Variants in TEAD1 observed in about 807,000 individuals in gnomAD.
TEAD1 encodes the protein TEA domain transcription factor 1, also known as transcriptional enhancer factor TEF-1.
TEAD1 carries 9 observed loss-of-function variants against 54.9 expected under a neutral mutation model. The observed-to-expected ratio is 0.16, with a 90% CI of 0.10 to 0.29. The LOEUF (loss-of-function observed/expected upper bound fraction) is 0.29. Ranked by LOEUF, TEAD1 falls within the 10% of genes least tolerant of loss-of-function variation. The probability of loss-of-function intolerance (pLI) is 1.00; values close to 1 mark genes in which losing one functional copy is unlikely to be tolerated. For synonymous variants in TEAD1, 200 were observed against 187.8 expected, an observed-to-expected ratio of 1.07 and a Z score of -0.53; for missense variants, 387 against 535.9, an observed-to-expected ratio of 0.72 and a Z score of 2.74.
intron 10 of TEAD1, among the ~76,000 whole-genome samples, chr11:12,919,823 A>G (rs1370111278): frequency 3.3e-5 from 5 of 152,186 alleles, no homozygotes; most frequent in African/African-American, 7.2e-5. Context: ...TATACAACAT[A>G]TGTTGAATTT....
intron 3 of TEAD1, among the ~76,000 whole-genome samples, chr11:12,814,983 T>G (rs1168534238): frequency 2.0e-5 from 3 of 152,158 alleles, no homozygotes; most frequent in Non-Finnish European, 4.4e-5. Flanking sequence ...AGGCATCCAG[T>G]GCAGAACGGG....
intron 2 of TEAD1, among the ~76,000 whole-genome samples, chr11:12,728,375 T>C (rs1944354235): frequency 6.6e-6 from 1 of 152,196 alleles, no homozygotes; most frequent in African/African-American, 2.4e-5. Flanking sequence ...GTTACACTTT[T>C]CATTGCTGGT....
chr11:12,739,250 T>A (rs1472659832), intron 2 of TEAD1, among the ~76,000 whole-genome samples: 1 of 151,610 alleles, frequency 6.6e-6, no homozygotes, highest in Non-Finnish European at 1.5e-5. Flanking sequence ...CTATCAGTCA[T>A]CTATCTCTGT....
chr11:12,740,767 G>A (rs1315241745), intron 2 of TEAD1, among the ~76,000 whole-genome samples: 1 of 151,982 alleles, frequency 6.6e-6, no homozygotes, highest in Non-Finnish European at 1.5e-5. Context: ...TCACTCCCAC[G>A]ACACATGGGG....
chr11:12,745,092 C>T (rs1322866246), intron 2 of TEAD1, among the ~76,000 whole-genome samples: 1 of 152,182 alleles, frequency 6.6e-6, no homozygotes, highest in Non-Finnish European at 1.5e-5. Flanking sequence ...CCCTGGGAGA[C>T]ACTGCTGGGG....
At chr11:12,879,676 T>C (rs1947926955) in intron 5 of TEAD1, 32 bp from the exon 6 acceptor site, 32 of 1,614,066 alleles carry the variant, frequency 2.0e-5, no homozygotes, top group Non-Finnish European at 2.6e-5. Flanking sequence ...ATGCGTTATG[T>C]ATTAAGTTGG....
intron 3 of TEAD1, among the ~76,000 whole-genome samples, chr11:12,797,119 A>G (rs1285735241): frequency 6.6e-6 from 1 of 152,128 alleles, no homozygotes; most frequent in Non-Finnish European, 1.5e-5. Flanking sequence ...TCAAAACACA[A>G]AAAACCTACA....
chr11:12,706,967 G>A (rs1430475859), intron 2 of TEAD1, among the ~76,000 whole-genome samples: 4 of 152,140 alleles, frequency 2.6e-5, no homozygotes, highest in Non-Finnish European at 5.9e-5. Flanking sequence ...ACCTTGACTA[G>A]CACTCTTTTC....
chr11:12,923,079 A>G (rs1212168553), intron 10 of TEAD1, among the ~76,000 whole-genome samples: 4 of 151,966 alleles, frequency 2.6e-5, no homozygotes, highest in Non-Finnish European at 2.9e-5. Context: ...CCTAGTATAT[A>G]TATATATACA....
At chr11:12,830,896 C>T (rs1338119896) in intron 3 of TEAD1, among the ~76,000 whole-genome samples, 1 of 151,900 alleles carries the variant, frequency 6.6e-6, no homozygotes, top group Non-Finnish European at 1.5e-5. Context: ...TGCCCCCATC[C>T]GCTGATTCTC....
At chr11:12,839,730 G>A (rs1306893746) in intron 3 of TEAD1, among the ~76,000 whole-genome samples, 1 of 152,150 alleles carries the variant, frequency 6.6e-6, no homozygotes, top group African/African-American at 2.4e-5. Context: ...CGTAATGGAA[G>A]GGTTTGTTTC....
chr11:12,762,352 C>G (rs1945119082), intron 2 of TEAD1, among the ~76,000 whole-genome samples: 1 of 145,824 alleles, frequency 6.9e-6, no homozygotes, highest in African/African-American at 2.5e-5. Flanking sequence ...GAGTATAGTT[C>G]AGTTTGAATT....
At chr11:12,829,110 A>T (rs1310829459) in intron 3 of TEAD1, among the ~76,000 whole-genome samples, 1 of 152,122 alleles carries the variant, frequency 6.6e-6, no homozygotes, top group Non-Finnish European at 1.5e-5. Flanking sequence ...GTGGAAGCAG[A>T]GGCTCTGATC....
chr11:12,735,534 C>T (rs1590098208), intron 2 of TEAD1, among the ~76,000 whole-genome samples: 2 of 151,774 alleles, frequency 1.3e-5, no homozygotes, highest in East Asian at 1.9e-4. Flanking sequence ...GATCTCTGCC[C>T]GCCCTCCTTG....
At chr11:12,804,598 C>T (rs141309185) in intron 3 of TEAD1, among the ~76,000 whole-genome samples, 3 of 152,272 alleles carry the variant, frequency 2.0e-5, no homozygotes, top group Non-Finnish European at 2.9e-5. Flanking sequence ...GTTGACTGTG[C>T]GATCACAGTA....
At chr11:12,701,084 T>A (rs1943691517) in intron 2 of TEAD1, among the ~76,000 whole-genome samples, 1 of 152,260 alleles carries the variant, frequency 6.6e-6, no homozygotes, top group Non-Finnish European at 1.5e-5. Context: ...TCTTCATGTG[T>A]ACAGTGTACA....
At chr11:12,835,903 G>A (rs1946879900) in intron 3 of TEAD1, among the ~76,000 whole-genome samples, 1 of 152,132 alleles carries the variant, frequency 6.6e-6, no homozygotes, top group South Asian at 2.1e-4. Context: ...ATAAGTTCTA[G>A]TGATCTCTTG....
At chr11:12,790,352 T>G (rs1250644445) in intron 3 of TEAD1, among the ~76,000 whole-genome samples, 1 of 152,166 alleles carries the variant, frequency 6.6e-6, no homozygotes, top group African/African-American at 2.4e-5. Context: ...CTCTTGGGGT[T>G]CATTTTCTCT....
At chr11:12,784,455 A>G (rs924569379) in intron 3 of TEAD1, among the ~76,000 whole-genome samples, 9 of 152,208 alleles carry the variant, frequency 5.9e-5, no homozygotes, top group South Asian at 2.1e-4. Context: ...AAGCTTGTCT[A>G]GGAGACAGAG....
Sources: gnomAD v4.1 joint callset for allele counts (sites outside exome capture counted in the v4.1 genomes callset) on GRCh38, gnomAD v4.1.1 for gene constraint, MANE v1.5 for transcripts, NCBI Gene and HGNC (gene_info 2026-07-23, HGNC 2026-07-21) for gene names.